DNAJB13: variants seen among roughly 807,000 people sequenced by gnomAD.
DNAJB13 encodes DnaJ heat shock protein family (Hsp40) member B13.
Under a neutral mutation model 35.6 loss-of-function variants are expected in DNAJB13, and 22 were observed. The observed-to-expected ratio is 0.62, with a 90% confidence interval of 0.44 to 0.88. DNAJB13 has a LOEUF of 0.88. DNAJB13 is among the 40% of genes least tolerant of loss of function. The pLI is 0.00. For synonymous variants in DNAJB13, 136 were observed against 144.2 expected (o/e 0.94, Z 0.41); for missense variants, 370 against 384.3 (o/e 0.96, Z 0.31).
At position 73,959,591 on chromosome 11, in the gene DNAJB13, C is replaced by T. The variant is rs762711919; in HGVS notation, c.270C>T (p.Tyr90=). The change falls in exon 3 of 8, where the codon TAC becomes TAT. Residue 90 remains tyrosine, a synonymous_variant. Coordinates refer to ENST00000339764, the MANE Select transcript of DNAJB13 (RefSeq NM_153614.4). The part of the protein sequence containing the change: ...FGSQTPWTTG[Y]VFHGKPEKVF... ...CCCAGACCCCATGGACAACTGGTTA[C>T]GTCTTCCATGGCAAACCTGAAAAGG... 3.7e-6 allele frequency: 6 copies of T among 1,614,194 alleles called. No individual in the cohort carries two copies. In the East Asian group the frequency reaches 6.7e-5, roughly 18 times the overall value.
intron 2 of DNAJB13, 115 bp from the exon 3 acceptor site, chr11:73,959,379 T>G: frequency 1.6e-6 from 2 of 1,212,812 alleles, no homozygotes; most frequent in Non-Finnish European, 2.3e-6. Flanking sequence ...GCAGGCACTT[T>G]GGGATCAGGC....
chr11:73,966,257 G>T lies in DNAJB13; in HGVS notation c.606+6G>T, dbSNP rs376701383. The T allele has an allele frequency of 4.0e-5, 65 of 1,609,756 alleles. 1 individual carries two copies. The South Asian group carries it at 6.9e-4, about 17-fold the overall frequency. On this transcript the variant is annotated splice_donor_region_variant and intron_variant, in intron 5 of 7. Coordinates refer to ENST00000339764, the MANE Select transcript of DNAJB13 (RefSeq NM_153614.4). The stretch of plus-strand genomic sequence containing the variant: ...TTGAGAAGGAAGGGGACCAGGTGAG[G>T]GGGGAAGAAGCTGACTCAGGTCAGT...
chr11:73,953,252 A>C (rs1282680489), intron 1 of DNAJB13, among the ~76,000 whole-genome samples: 1 of 152,118 alleles, frequency 6.6e-6, no homozygotes, highest in Non-Finnish European at 1.5e-5. Context: ...TGGGCCGGGC[A>C]CCGTGGCTCA....
intron 2 of DNAJB13, among the ~76,000 whole-genome samples, chr11:73,958,670 G>C (rs1367842841): frequency 6.6e-6 from 1 of 152,220 alleles, no homozygotes; most frequent in African/African-American, 2.4e-5. Flanking sequence ...GGGAGCTGGG[G>C]CACATTCCCC....
intron 3 of DNAJB13, among the ~76,000 whole-genome samples, chr11:73,962,077 G>A (rs943351631): frequency 2.6e-5 from 4 of 152,316 alleles, no homozygotes; most frequent in East Asian, 1.9e-4. Flanking sequence ...ATAGGCATGA[G>A]CCACCATGCC....
At chr11:73,962,979 T>C (rs1435410443) in intron 3 of DNAJB13, among the ~76,000 whole-genome samples, 1 of 152,054 alleles carries the variant, frequency 6.6e-6, no homozygotes, top group East Asian at 1.9e-4. Flanking sequence ...ATAGCCAAAA[T>C]AATCATTAAG....
chr11:73,958,775 C>T (rs1484155347), intron 2 of DNAJB13, among the ~76,000 whole-genome samples: 1 of 152,196 alleles, frequency 6.6e-6, no homozygotes, highest in African/African-American at 2.4e-5. Flanking sequence ...GCTGGGCAGG[C>T]GTGCCCACCT....
rs1350955423 is a variant in DNAJB13 at position 73,964,812 on chromosome 11, TGC to T, written c.335-55_335-54del. 6,324 of 694,890 alleles carry T rather than the reference TGC, an allele frequency of 9.1e-3. 247 individuals carry two copies. Among genetic ancestry groups the T allele is most frequent in the African/African-American group, 0.055 (2,445 of 44,850 alleles). The allele number at this position is 694,890 out of a possible 1,614,324, so 43.0% of individuals were successfully genotyped here. ...GTGTGTGTGTGTGTGTGTGTGTGTG[TGC>T]GCGCGCGCGCATGTCTGGGTCTCTG... On this transcript the variant is annotated intron_variant, in intron 3 of 7. Transcript: ENST00000339764.
chr11:73,964,804 TGTGTGTGTGC>T lies in DNAJB13; in HGVS notation c.335-72_335-63del, dbSNP rs751787887. ...GTGTGTGTGTGTGTGTGTGTGTGTGTGTGTGTGTGCGCGCGCGCGCATGTCTGGGTCTCTG... is the reference window on the plus strand; with the variant it reads ...GTGTGTGTGTGTGTGTGTGTGTGTGTGCGCGCGCGCATGTCTGGGTCTCTG... On this transcript the variant is annotated intron_variant, in intron 3 of 7. Transcript: ENST00000339764. 7.7e-4 allele frequency: 570 copies of T among 740,782 alleles called. 13 individuals are homozygous for T. In the African/African-American group the frequency reaches 9.2e-3, roughly 12 times the overall value. 45.9% of individuals were successfully genotyped at this position (740,782 alleles called of 1,614,324 possible).
chr11:73,963,926 A>T (rs1421886576), intron 3 of DNAJB13: 1 of 152,202 alleles, frequency 6.6e-6, no homozygotes, highest in Non-Finnish European at 1.5e-5. Context: ...TTCCGTAGTC[A>T]TATTGTCCTG....
intron 3 of DNAJB13, chr11:73,964,608 A>G (rs948334073): frequency 6.2e-5 from 26 of 416,206 alleles, no homozygotes; most frequent in Non-Finnish European, 9.6e-5. Flanking sequence ...GAATGTCCCA[A>G]GGGGAGGTGA....
intron 4 of DNAJB13, 89 bp downstream of exon 4, chr11:73,965,124 G>A (rs1248857128): frequency 2.2e-6 from 3 of 1,390,716 alleles, no homozygotes; most frequent in Non-Finnish European, 2.9e-6. Context: ...GAGGACTCAG[G>A]GATGGTCTCT....
rs772768069 is a variant in DNAJB13 at position 73,970,062 on chromosome 11, C to T, written c.899C>T (p.Thr300Ile). The T allele has an allele frequency of 8.7e-6, 14 of 1,611,180 alleles. 1 individual carries two copies. The highest frequency in any genetic ancestry group is 1.3e-5 in the African/African-American group (1 of 74,884). Residue 300 changes from threonine (T) to isoleucine (I), a missense_variant, in exon 8 of 8, where the codon ACC becomes ATC. Coordinates refer to ENST00000339764, the MANE Select transcript of DNAJB13 (RefSeq NM_153614.4). ...ATCTTCTTCGACATCCAGTTCCCCA[C>T]CCGCCTCACACCCCAGAAGAAGCAG... ...LFIFFDIQFP[T>I]RLTPQKKQML...
chr11:73,964,739 T>C, intron 3 of DNAJB13, 139 bp from the exon 4 acceptor site: 5 of 930,928 alleles, frequency 5.4e-6, no homozygotes, highest in Middle Eastern at 3.2e-4. Flanking sequence ...ACTGAAGAGG[T>C]TGGGGAGCAT....
At chr11:73,968,927 C>T (rs1951203003) in intron 6 of DNAJB13, among the ~76,000 whole-genome samples, 1 of 152,168 alleles carries the variant, frequency 6.6e-6, no homozygotes, top group Admixed American at 6.5e-5. Context: ...ATAGGGTCCT[C>T]ATCAATAGCT....
chr11:73,953,510 G>C (rs1029237303), intron 1 of DNAJB13, among the ~76,000 whole-genome samples: 1 of 152,326 alleles, frequency 6.6e-6, no homozygotes, highest in African/African-American at 2.4e-5. Context: ...TGATTGATTT[G>C]AGCAAACAAG....
chr11:73,963,365 GAAA>G (rs1205237368), intron 3 of DNAJB13, among the ~76,000 whole-genome samples: 4 of 150,402 alleles, frequency 2.7e-5, no homozygotes, highest in African/African-American at 9.8e-5. Flanking sequence ...AAAGAAAAAA[GAAA>G]AAAAATGAAA....
intron 1 of DNAJB13, among the ~76,000 whole-genome samples, chr11:73,955,248 G>A (rs938187281): frequency 2.0e-5 from 3 of 151,688 alleles, no homozygotes; most frequent in Admixed American, 2.0e-4. Context: ...TTATTGCAGG[G>A]ATAATTTTGA....
At position 73,970,237 on chromosome 11, in the gene DNAJB13, G is replaced by C; in HGVS notation, c.*123G>C. 7.8e-7 allele frequency: 1 copy of C among 1,279,934 alleles called. No homozygotes were observed. The highest frequency in any genetic ancestry group is 1.0e-6 in the Non-Finnish European group (1 of 952,688). The allele number at this position is 1,279,934 out of a possible 1,614,324, so 79.3% of individuals were successfully genotyped here. On this transcript the variant is annotated 3_prime_UTR_variant, in exon 8 of 8. Transcript: ENST00000339764. ...AGATATGATACAAGGGTGGGATGGCGCAGGGCTTAAACTGACATAATAAAG... is the reference window on the plus strand; with the variant it reads ...AGATATGATACAAGGGTGGGATGGCCCAGGGCTTAAACTGACATAATAAAG...
Sources: gnomAD v4.1 joint callset for allele counts (sites outside exome capture counted in the v4.1 genomes callset) on GRCh38, gnomAD v4.1.1 for gene constraint, MANE v1.5 for transcripts, NCBI Gene and HGNC (gene_info 2026-07-23, HGNC 2026-07-21) for gene names.